Variants in COPS9 observed in about 807,000 individuals in gnomAD.
The protein encoded by COPS9 is COP9 signalosome subunit 9, also known as COP9 signalosome complex subunit 9.
Under a neutral mutation model 7.2 loss-of-function variants are expected in COPS9, and 8 were observed. The observed-to-expected ratio is 1.11, with a 90% CI of 0.65 to 2.00. COPS9 has a LOEUF of 2.00. Ranked by LOEUF, COPS9 falls within the 30% of genes most tolerant of loss-of-function variation. The pLI is 0.00. For synonymous variants in COPS9, 39 were observed against 28.7 expected (o/e 1.36, Z -1.14); for missense variants, 74 against 77.7 (o/e 0.95, Z 0.18).
At chr2:240,134,278 C>T in intron 1 of COPS9, 1 of 401,568 alleles carries the variant, frequency 2.5e-6, no homozygotes, top group East Asian at 4.6e-5. Flanking sequence ...CTAAGCACCA[C>T]TACTTCTCTG....
In COPS9 at chr2:240,133,178, C is replaced by A. The variant is rs75391334; in HGVS notation, c.136+755G>T. Among the ~76,000 whole-genome samples the A allele has an allele frequency of 1.1e-3, 174 of 152,304 alleles. 1 individual carries two copies. The East Asian group carries it at 0.027, about 24-fold the overall frequency. ...AACAAGAGCTTTCTGTAGAGAAAAG[C>A]ACCATGGATTAAACCAGGATGAAAA... On this transcript the variant is annotated intron_variant, in intron 2 of 2. Transcript: ENST00000607357.
At chr2:240,127,667 C>T (rs931455762), downstream of COPS9, among the ~76,000 whole-genome samples, 6 of 152,144 alleles carry the variant, frequency 3.9e-5, no homozygotes, top group African/African-American at 9.7e-5. Context: ...AGACCCCATG[C>T]CTCTTCCACA....
chr2:240,130,170 AAC>A, downstream of COPS9: 1 of 653,578 alleles, frequency 1.5e-6, no homozygotes, highest in Non-Finnish European at 2.6e-6. Flanking sequence ...CTCTTCTGTA[AAC>A]ATGACAAGGT....
chr2:240,130,113 G>A, downstream of COPS9: 1 of 1,091,764 alleles, frequency 9.2e-7, no homozygotes, highest in South Asian at 1.4e-5. Context: ...AGGCAGAGCT[G>A]ACATTCGGTT....
At chr2:240,127,022 G>T, downstream of COPS9, 1 of 1,511,626 alleles carries the variant, frequency 6.6e-7, no homozygotes, top group Non-Finnish European at 9.0e-7. Flanking sequence ...CCTGGGACAA[G>T]TCATTCTGTC....
intron 1 of COPS9, chr2:240,135,881 C>G (rs779484782): frequency 4.4e-5 from 12 of 273,004 alleles, no homozygotes; most frequent in African/African-American, 3.4e-4. Context: ...CGCGGGCCCC[C>G]ATGGGGTGCT....
At chr2:240,131,442 G>A (rs897510807) in intron 2 of COPS9, among the ~76,000 whole-genome samples, 1 of 152,220 alleles carries the variant, frequency 6.6e-6, no homozygotes, top group African/African-American at 2.4e-5. Flanking sequence ...CACCCAAGAT[G>A]CTGCCCTCGC....
At chr2:240,126,861 G>A (rs762067420), downstream of COPS9, 18 of 1,614,034 alleles carry the variant, frequency 1.1e-5, no homozygotes, top group South Asian at 5.5e-5. Flanking sequence ...AAACATTAGC[G>A]CCTCCGCCCC....
At chr2:240,133,834 T>C in intron 2 of COPS9, 99 bp downstream of exon 2, 4 of 1,244,346 alleles carry the variant, frequency 3.2e-6, no homozygotes, top group Non-Finnish European at 4.7e-6. Context: ...TCTACCACCT[T>C]ATGATCCAAA....
downstream of COPS9, chr2:240,129,838 G>C (rs767740927): frequency 2.4e-5 from 33 of 1,349,052 alleles, no homozygotes; most frequent in Non-Finnish European, 3.4e-5. Flanking sequence ...TAAGCCACGT[G>C]GGTCTCAGAA....
At chr2:240,129,979 G>A, downstream of COPS9, 1 of 1,613,968 alleles carries the variant, frequency 6.2e-7, no homozygotes, top group Non-Finnish European at 8.5e-7. Flanking sequence ...CCTCGCTGCA[G>A]TGCGGGAACC....
intron 1 of COPS9, 26 bp downstream of exon 1, chr2:240,136,196 G>T: frequency 6.6e-7 from 1 of 1,503,832 alleles, no homozygotes. Flanking sequence ...CCCCACGCTC[G>T]GAGACTCCCG....
rs1204371236 is a variant in COPS9, at chr2:240,136,257, G to A, written c.28C>T (p.Pro10Ser). The stretch of plus-strand genomic sequence containing the variant: ...TCCACGTAGGGCCCGGCGCCCTCGG[G>A]GAACATCTCGTCCACCGCCGGCTTC... MKPAVDEMF[P>S]EGAGPYVDLD... The change falls in exon 1 of 3, where the codon CCC becomes TCC. Residue 10 changes from proline (P) to serine (S), a missense_variant. Physicochemically the swap from Pro to Ser is moderately conservative, Grantham distance 74 (BLOSUM62 -1). Coordinates refer to ENST00000607357, the MANE Select transcript of COPS9 (RefSeq NM_001163424.2). 6 of 1,570,598 alleles carry A rather than the reference G, an allele frequency of 3.8e-6. No homozygotes were observed. The highest frequency in any genetic ancestry group is 8.6e-7 in the Non-Finnish European group (1 of 1,162,034).
intron 2 of COPS9, among the ~76,000 whole-genome samples, chr2:240,131,856 A>T (rs2071926253): frequency 6.6e-6 from 1 of 152,182 alleles, no homozygotes; most frequent in African/African-American, 2.4e-5. Context: ...TAGAAAGAGG[A>T]GGTTCAACTC....
intron 1 of COPS9, 60 bp from the exon 2 acceptor site, chr2:240,134,065 T>C: frequency 1.3e-6 from 2 of 1,509,596 alleles, no homozygotes; most frequent in Non-Finnish European, 1.8e-6. Flanking sequence ...AGGTGATAAG[T>C]GCATTGCAGG....
chr2:240,128,829 T>C (rs2071892598), downstream of COPS9, among the ~76,000 whole-genome samples: 2 of 152,170 alleles, frequency 1.3e-5, no homozygotes, highest in African/African-American at 4.8e-5. Context: ...GCAATGCTCG[T>C]GGCCTCATGG....
downstream of COPS9, chr2:240,129,832 C>T: frequency 7.8e-7 from 1 of 1,288,530 alleles, no homozygotes; most frequent in Non-Finnish European, 1.1e-6. Flanking sequence ...TGCAGATAAG[C>T]CACGTGGGTC....
chr2:240,133,577 G>A (rs1281258582), intron 2 of COPS9, among the ~76,000 whole-genome samples: 2 of 152,218 alleles, frequency 1.3e-5, no homozygotes, highest in South Asian at 2.1e-4. Context: ...CGGAGAGGGC[G>A]GAGACAGGGA....
downstream of COPS9, chr2:240,126,721 G>C (rs890541544): frequency 6.2e-7 from 1 of 1,614,054 alleles, no homozygotes; most frequent in Admixed American, 1.7e-5. Flanking sequence ...GTGGTTCTGA[G>C]CACCTCTAGA....
Sources: allele counts gnomAD v4.1 joint callset (sites outside exome capture counted in the v4.1 genomes callset), GRCh38; gene constraint gnomAD v4.1.1; transcripts MANE v1.5; gene names NCBI Gene and HGNC (gene_info 2026-07-23, HGNC 2026-07-21).